PALM2AKAP2: variants seen among roughly 807,000 people sequenced by gnomAD.
The protein encoded by PALM2AKAP2 is PALM2 and AKAP2 fusion.
A neutral mutation model predicts 71.5 loss-of-function variants in PALM2AKAP2; 37 were observed. The ratio of observed to expected loss-of-function variants is 0.52; its 90% CI spans 0.40 to 0.68. PALM2AKAP2 has a LOEUF of 0.68. Among genes scored for constraint, PALM2AKAP2 ranks in the 30% least tolerant of loss-of-function variants. PALM2AKAP2 has a pLI of 0.00. For synonymous variants in PALM2AKAP2, 468 were observed against 478.8 expected (o/e 0.98, Z 0.29); for missense variants, 1,224 against 1,191.8 (o/e 1.03, Z -0.40).
At chr9:110,041,005 A>G (rs1833503656) in intron 7 of PALM2AKAP2, among the ~76,000 whole-genome samples, 1 of 152,248 alleles carries the variant, frequency 6.6e-6, no homozygotes, top group Non-Finnish European at 1.5e-5. Context: ...TTCAGTTGCT[A>G]AATGAGATAA....
At chr9:109,942,679 A>G (rs769745048) in intron 6 of PALM2AKAP2, 1 of 1,538,122 alleles carries the variant, frequency 6.5e-7, no homozygotes, top group South Asian at 1.3e-5. Flanking sequence ...TCTTGTTTTC[A>G]TTCAAGCTGT....
At chr9:109,881,136 T>G (rs577125891) in intron 3 of PALM2AKAP2, among the ~76,000 whole-genome samples, 1 of 152,306 alleles carries the variant, frequency 6.6e-6, no homozygotes, top group African/African-American at 2.4e-5. Flanking sequence ...ACATGCAGTA[T>G]TTGGTTTTCT....
chr9:110,136,298 C>T, exon 2 of PALM2AKAP2: 4 of 1,614,192 alleles, frequency 2.5e-6, no homozygotes, highest in Non-Finnish European at 3.4e-6. Flanking sequence ...CTCTACCCCA[C>T]ATCCCATGGA....
intron 1 of PALM2AKAP2, among the ~76,000 whole-genome samples, chr9:109,742,897 A>G (rs750241729): frequency 3.9e-5 from 6 of 152,170 alleles, no homozygotes; most frequent in Non-Finnish European, 8.8e-5. Context: ...CCACAGCCAC[A>G]AAAAGCATGC....
At chr9:109,977,432 G>A (rs943958551) in intron 6 of PALM2AKAP2, among the ~76,000 whole-genome samples, 3 of 152,084 alleles carry the variant, frequency 2.0e-5, no homozygotes, top group African/African-American at 7.2e-5. Flanking sequence ...TAGTGCTTTT[G>A]CAGAATTAGG....
chr9:109,773,782 TG>T (rs1829309725), intron 1 of PALM2AKAP2, among the ~76,000 whole-genome samples: 1 of 145,240 alleles, frequency 6.9e-6, no homozygotes, highest in Non-Finnish European at 1.5e-5. Context: ...TGAGCTGCTT[TG>T]GGGAAAGGCA....
intron 1 of PALM2AKAP2, among the ~76,000 whole-genome samples, chr9:110,076,969 C>T (rs1410867208): frequency 6.6e-6 from 1 of 152,112 alleles, no homozygotes; most frequent in African/African-American, 2.4e-5. Flanking sequence ...CAATGTATAC[C>T]ACCCCTGTGG....
At chr9:110,005,618 C>T (rs1425998253) in intron 6 of PALM2AKAP2, among the ~76,000 whole-genome samples, 1 of 152,186 alleles carries the variant, frequency 6.6e-6, no homozygotes, top group African/African-American at 2.4e-5. Flanking sequence ...TGCCCTGCCC[C>T]CAGAGGTGGA....
At chr9:109,887,070 G>A (rs1829981435) in intron 3 of PALM2AKAP2, among the ~76,000 whole-genome samples, 1 of 152,048 alleles carries the variant, frequency 6.6e-6, no homozygotes. Context: ...TGGGTCTCTG[G>A]TAAATACCAG....
At chr9:110,117,245 A>G (rs1449915373) in intron 1 of PALM2AKAP2, among the ~76,000 whole-genome samples, 1 of 151,934 alleles carries the variant, frequency 6.6e-6, no homozygotes, top group Non-Finnish European at 1.5e-5. Flanking sequence ...TCAGCCTCCC[A>G]AGTAGCTGGG....
At chr9:109,720,070 C>T (rs182295956) in intron 1 of PALM2AKAP2, among the ~76,000 whole-genome samples, 1 of 152,054 alleles carries the variant, frequency 6.6e-6, no homozygotes, top group East Asian at 1.9e-4. Context: ...CTCACCACAA[C>T]CTCTGCCTCC....
At chr9:110,026,709 T>C (rs1214017344) in intron 7 of PALM2AKAP2, among the ~76,000 whole-genome samples, 1 of 152,202 alleles carries the variant, frequency 6.6e-6, no homozygotes, top group East Asian at 1.9e-4. Context: ...ACTATTTAAT[T>C]GCCTTCTCAA....
chr9:109,706,813 T>C (rs1253114517), intron 1 of PALM2AKAP2, among the ~76,000 whole-genome samples: 1 of 152,206 alleles, frequency 6.6e-6, no homozygotes, highest in Non-Finnish European at 1.5e-5. Flanking sequence ...ACAAAACCTA[T>C]ATACTGTGTG....
chr9:109,926,420 G>A (rs957125679), intron 5 of PALM2AKAP2, among the ~76,000 whole-genome samples: 37 of 152,246 alleles, frequency 2.4e-4, no homozygotes, highest in Admixed American at 7.8e-4. Context: ...TAGGAAAAGC[G>A]GACCTACAAT....
chr9:109,640,899 C>T (rs1827056374), intron 1 of PALM2AKAP2: 60 of 1,507,634 alleles, frequency 4.0e-5, no homozygotes, highest in Non-Finnish European at 5.3e-5. Context: ...GCCAGCTGCT[C>T]TCCTCTCGGC....
intron 1 of PALM2AKAP2, among the ~76,000 whole-genome samples, chr9:110,052,056 C>T (rs1833721840): frequency 1.3e-5 from 2 of 152,104 alleles, no homozygotes; most frequent in African/African-American, 4.8e-5. Context: ...GTGCCCACCA[C>T]CACGCCCAGC....
intron 3 of PALM2AKAP2, among the ~76,000 whole-genome samples, chr9:109,893,385 T>C (rs1830129391): frequency 6.6e-6 from 1 of 152,166 alleles, no homozygotes; most frequent in Non-Finnish European, 1.5e-5. Flanking sequence ...TCCAGACCAA[T>C]TGTGGGCAGA....
At position 109,896,117 on chromosome 9, in the gene PALM2AKAP2, G is replaced by A. The variant is rs936261225; in HGVS notation, c.257+15436G>A. On this transcript the variant is annotated intron_variant, in intron 3 of 9. Transcript: ENST00000302798. The stretch of plus-strand genomic sequence containing the variant: ...GGAGAACTGCTCGAACCTGGGAGGC[G>A]GAAGTTGCAGTGAGCCGAGATCACA... 9.9e-5 allele frequency among the ~76,000 whole-genome samples: 15 copies of A among 151,158 alleles called. No individual in the cohort carries two copies. In the South Asian group the frequency reaches 2.1e-3, roughly 21 times the overall value.
intron 6 of PALM2AKAP2, chr9:109,943,566 C>A (rs1831428443): frequency 3.2e-6 from 4 of 1,234,152 alleles, no homozygotes; most frequent in African/African-American, 3.0e-5. Context: ...TGATCTCTCT[C>A]ATTTTTTTTC....
Sources: allele counts gnomAD v4.1 joint callset (sites outside exome capture counted in the v4.1 genomes callset), GRCh38; gene constraint gnomAD v4.1.1; transcripts MANE v1.5; gene names NCBI Gene and HGNC (gene_info 2026-07-23, HGNC 2026-07-21).